Variants in GPC6 observed in about 807,000 individuals in gnomAD.
The protein encoded by GPC6 is glypican 6.
Under a neutral mutation model 55.2 loss-of-function variants are expected in GPC6, and 14 were observed. The observed-to-expected ratio is 0.25, with a 90% CI of 0.17 to 0.40. The LOEUF (loss-of-function observed/expected upper bound fraction) is 0.40, where lower values mean the gene tolerates loss of function less well. GPC6 is among the 10% of genes least tolerant of loss of function. The pLI, the probability that GPC6 is intolerant of heterozygous loss-of-function variation, is 1.00. For synonymous variants in GPC6, 278 were observed against 259.6 expected (o/e 1.07, Z -0.68); for missense variants, 641 against 708.5 (o/e 0.90, Z 1.08).
At chr13:94,118,658 A>G (rs1024287499) in intron 4 of GPC6, among the ~76,000 whole-genome samples, 14 of 151,986 alleles carry the variant, frequency 9.2e-5, no homozygotes, top group Admixed American at 9.2e-4. Flanking sequence ...TCTTTTAGTC[A>G]AGGTTTCTAT....
intron 1 of GPC6, among the ~76,000 whole-genome samples, chr13:93,544,255 C>G (rs1055043163): frequency 6.6e-6 from 1 of 152,082 alleles, no homozygotes; most frequent in African/African-American, 2.4e-5. Context: ...TTAAACTACA[C>G]GAAGAATCAT....
intron 1 of GPC6, among the ~76,000 whole-genome samples, chr13:93,295,290 C>CAA (rs67379652): frequency 0.081 from 5,366 of 65,904 alleles, 408 homozygotes; most frequent in East Asian, 0.24. Flanking sequence ...GACCCTGTCT[C>CAA]AAAAAAAAAA....
Position 93,766,163 on chromosome 13 carries a change from T to C in GPC6, c.320-63991T>C, listed in dbSNP as rs538057930. Among the ~76,000 whole-genome samples, 17 of 152,312 alleles carry C rather than the reference T, an allele frequency of 1.1e-4. No homozygotes were observed. The East Asian group carries it at 1.3e-3, about 12-fold the overall frequency. On this transcript the variant is annotated intron_variant, in intron 2 of 8. Transcript: ENST00000377047. ...TCTGTTCCTATTCAAATATAAACTT[T>C]ATAAAAATTTTCAGAAGTTATTCAG...
chr13:93,867,432 C>T (rs191504321), intron 3 of GPC6, among the ~76,000 whole-genome samples: 1 of 151,736 alleles, frequency 6.6e-6, no homozygotes, highest in Non-Finnish European at 1.5e-5. Flanking sequence ...CATCTTCAAA[C>T]CTTACTTTCC....
At chr13:93,960,123 T>A (rs1879700001) in intron 3 of GPC6, among the ~76,000 whole-genome samples, 1 of 152,188 alleles carries the variant, frequency 6.6e-6, no homozygotes, top group Admixed American at 6.5e-5. Flanking sequence ...AACACGTCCT[T>A]CTTGCTGGTA....
At chr13:94,076,905 G>A (rs1165894475) in intron 4 of GPC6, among the ~76,000 whole-genome samples, 1 of 150,146 alleles carries the variant, frequency 6.7e-6, no homozygotes, top group Non-Finnish European at 1.5e-5. Flanking sequence ...TTGAAGTTAG[G>A]AAGTGTGATG....
intron 1 of GPC6, among the ~76,000 whole-genome samples, chr13:93,278,622 C>A (rs1163720306): frequency 6.6e-6 from 1 of 152,072 alleles, no homozygotes; most frequent in African/African-American, 2.4e-5. Context: ...TACAATAAAA[C>A]CAGTTAATTC....
chr13:94,044,993 G>C (rs1180104450), intron 4 of GPC6, among the ~76,000 whole-genome samples: 2 of 151,878 alleles, frequency 1.3e-5, no homozygotes, highest in Non-Finnish European at 2.9e-5. Flanking sequence ...CTAAATATAA[G>C]AGTGAGATAT....
At chr13:94,236,468 G>T (rs776265054) in intron 4 of GPC6, among the ~76,000 whole-genome samples, 6 of 152,106 alleles carry the variant, frequency 3.9e-5, no homozygotes, top group Non-Finnish European at 7.4e-5. Context: ...GGGCTTCCAG[G>T]TGTATGAGAC....
chr13:93,646,428 A>T (rs1479906952), intron 2 of GPC6, among the ~76,000 whole-genome samples: 1 of 152,142 alleles, frequency 6.6e-6, no homozygotes, highest in Non-Finnish European at 1.5e-5. Context: ...GCAAATTCAC[A>T]TTTAATGTCA....
At chr13:93,452,838 T>C (rs1878279565) in intron 1 of GPC6, among the ~76,000 whole-genome samples, 1 of 152,192 alleles carries the variant, frequency 6.6e-6, no homozygotes, top group South Asian at 2.1e-4. Flanking sequence ...AAAGTAGATA[T>C]TGAGAAGCAT....
At chr13:94,091,448 C>T (rs1381552528) in intron 4 of GPC6, among the ~76,000 whole-genome samples, 1 of 152,114 alleles carries the variant, frequency 6.6e-6, no homozygotes, top group Non-Finnish European at 1.5e-5. Context: ...TCTGATTCTA[C>T]TTTTGCAAAG....
intron 2 of GPC6, among the ~76,000 whole-genome samples, chr13:93,584,684 G>GTTT (rs779571682): frequency 0.03 from 2,892 of 95,508 alleles, 343 homozygotes; most frequent in African/African-American, 0.11. Flanking sequence ...CCTTCTGAAA[G>GTTT]TTTTTTTTTT....
chr13:93,766,410 T>A (rs1175587516), intron 2 of GPC6, among the ~76,000 whole-genome samples: 1 of 152,174 alleles, frequency 6.6e-6, no homozygotes, highest in African/African-American at 2.4e-5. Context: ...AGAGATCTGC[T>A]GAATAGCATT....
At chr13:94,042,953 C>G (rs1177519851) in intron 4 of GPC6, among the ~76,000 whole-genome samples, 1 of 151,816 alleles carries the variant, frequency 6.6e-6, no homozygotes, top group East Asian at 1.9e-4. Flanking sequence ...GGTATGAGCT[C>G]ATGGTCATTC....
chr13:94,215,401 C>A (rs937352812), intron 4 of GPC6, among the ~76,000 whole-genome samples: 2 of 152,096 alleles, frequency 1.3e-5, no homozygotes, highest in African/African-American at 4.8e-5. Flanking sequence ...CACACTTGCC[C>A]TAAAATAATC....
At chr13:93,351,818 G>T (rs1880642909) in intron 1 of GPC6, among the ~76,000 whole-genome samples, 1 of 152,126 alleles carries the variant, frequency 6.6e-6, no homozygotes, top group Non-Finnish European at 1.5e-5. Context: ...GTTAGCTGCT[G>T]CATTTGTCTT....
chr13:93,309,653 A>G (rs903067337), intron 1 of GPC6, among the ~76,000 whole-genome samples: 1 of 152,200 alleles, frequency 6.6e-6, no homozygotes, highest in Non-Finnish European at 1.5e-5. Context: ...ATACAGAAAC[A>G]CAAGAAGCTA....
chr13:93,758,671 T>TA (rs1441174729), intron 2 of GPC6, among the ~76,000 whole-genome samples: 7 of 152,008 alleles, frequency 4.6e-5, no homozygotes, highest in South Asian at 4.2e-4. Flanking sequence ...TGCCAAGGGT[T>TA]ATGTTTTCTT....
Sources: gnomAD v4.1 joint callset for allele counts (sites outside exome capture counted in the v4.1 genomes callset) on GRCh38, gnomAD v4.1.1 for gene constraint, MANE v1.5 for transcripts, NCBI Gene and HGNC (gene_info 2026-07-23, HGNC 2026-07-21) for gene names.